The following MSRB3 variants were observed in gnomAD, a reference collection of about 807,000 sequenced individuals.
The protein encoded by MSRB3 is methionine sulfoxide reductase B3, also known as methionine-R-sulfoxide reductase B3.
MSRB3 carries 13 observed loss-of-function variants against 21.0 expected under a neutral mutation model. The observed-to-expected ratio is 0.62, with a 90% confidence interval of 0.40 to 0.98. The LOEUF is 0.98. MSRB3 is among the 50% of genes least tolerant of loss of function. The pLI, the probability that MSRB3 is intolerant of heterozygous loss-of-function variation, is 0.00. For missense variants in MSRB3, 199 were observed against 230.3 expected, an observed-to-expected ratio of 0.86 and a Z score of 0.88; for synonymous variants, 87 against 88.6, an observed-to-expected ratio of 0.98 and a Z score of 0.10.
At chr12:65,282,853 T>A (rs1025230132) in intron 1 of MSRB3, among the ~76,000 whole-genome samples, 1 of 152,152 alleles carries the variant, frequency 6.6e-6, no homozygotes, top group African/African-American at 2.4e-5. Flanking sequence ...TTCCCTAAAG[T>A]CTCTTCTAAT....
intron 5 of MSRB3, among the ~76,000 whole-genome samples, chr12:65,432,875 A>G (rs1881949702): frequency 6.6e-6 from 1 of 152,106 alleles, no homozygotes; most frequent in Non-Finnish European, 1.5e-5. Flanking sequence ...TAATCCTTTT[A>G]TGAGTAAATC....
chr12:65,393,571 C>T lies in MSRB3; in HGVS notation c.292+24545C>T, dbSNP rs896420097. On this transcript the variant is annotated intron_variant, in intron 5 of 6. Transcript: ENST00000308259. ...GCGTGAACCTGGGAGGCGGAGCTTG[C>T]GGTGAGCCGAGATCACGCCACTGCA... Among the ~76,000 whole-genome samples, 9 of 141,924 alleles carry T rather than the reference C, an allele frequency of 6.3e-5. No individual in the cohort carries two copies. In the East Asian group the frequency reaches 8.9e-4, roughly 14 times the overall value. 93.1% of individuals were successfully genotyped at this position (141,924 alleles called of 152,430 possible).
At chr12:65,376,521 A>G (rs575003109) in intron 5 of MSRB3, among the ~76,000 whole-genome samples, 3 of 152,322 alleles carry the variant, frequency 2.0e-5, no homozygotes, top group South Asian at 2.1e-4. Context: ...GTCTCCTTGT[A>G]GAGAACATTA....
chr12:65,436,688 A>T (rs1481087006), intron 5 of MSRB3, among the ~76,000 whole-genome samples: 1 of 151,930 alleles, frequency 6.6e-6, no homozygotes, highest in South Asian at 2.1e-4. Context: ...ATCATTAATC[A>T]TCTGGTAGAA....
intron 1 of MSRB3, among the ~76,000 whole-genome samples, chr12:65,280,602 A>T (rs1871956094): frequency 1.3e-5 from 2 of 152,308 alleles, no homozygotes; most frequent in South Asian, 4.1e-4. Flanking sequence ...CTGATATATC[A>T]GTCTAATTTC....
chr12:65,446,175 AC>A (rs1882608191), intron 5 of MSRB3, among the ~76,000 whole-genome samples: 1 of 152,222 alleles, frequency 6.6e-6, no homozygotes. Flanking sequence ...GGGAAGAAAT[AC>A]AGAAATTCTC....
chr12:65,385,954 G>C (rs939396123), intron 5 of MSRB3, among the ~76,000 whole-genome samples: 5 of 151,626 alleles, frequency 3.3e-5, no homozygotes, highest in African/African-American at 1.2e-4. Context: ...TAAATATTGG[G>C]AATTAATTAA....
intron 5 of MSRB3, among the ~76,000 whole-genome samples, chr12:65,444,104 A>G (rs764249454): frequency 1.3e-5 from 2 of 152,194 alleles, no homozygotes; most frequent in African/African-American, 4.8e-5. Flanking sequence ...AGAAGCAAAC[A>G]TTAATCAAAA....
chr12:65,418,707 C>T (rs766795865), intron 5 of MSRB3: 12 of 822,548 alleles, frequency 1.5e-5, no homozygotes, highest in Admixed American at 1.2e-4. Flanking sequence ...CAGAGAGTAC[C>T]CTGCTTCTGC....
chr12:65,391,315 A>G (rs1317650713), intron 5 of MSRB3, among the ~76,000 whole-genome samples: 1 of 152,210 alleles, frequency 6.6e-6, no homozygotes, highest in African/African-American at 2.4e-5. Context: ...TATAAGACTA[A>G]CAGTCAAACA....
At chr12:65,352,872 G>A (rs1877114198) in intron 4 of MSRB3, among the ~76,000 whole-genome samples, 1 of 151,510 alleles carries the variant, frequency 6.6e-6, no homozygotes, top group Admixed American at 6.6e-5. Context: ...TCAATATCGT[G>A]AAAATGGCCA....
intron 1 of MSRB3, among the ~76,000 whole-genome samples, chr12:65,308,128 C>A (rs898483346): frequency 1.3e-5 from 2 of 152,186 alleles, no homozygotes; most frequent in Non-Finnish European, 2.9e-5. Flanking sequence ...AGTTTCTTCA[C>A]ATACGTATTG....
At chr12:65,374,656 G>T (rs1485296460) in intron 5 of MSRB3, among the ~76,000 whole-genome samples, 1 of 152,126 alleles carries the variant, frequency 6.6e-6, no homozygotes, top group African/African-American at 2.4e-5. Context: ...AATGGTTAGG[G>T]TGTAATTTTT....
intron 5 of MSRB3, among the ~76,000 whole-genome samples, chr12:65,452,924 G>A (rs901562689): frequency 3.9e-5 from 6 of 152,138 alleles, no homozygotes; most frequent in African/African-American, 1.4e-4. Context: ...CATATTTTGG[G>A]GAAACATAAA....
chr12:65,430,853 T>A (rs918984337), intron 5 of MSRB3, among the ~76,000 whole-genome samples: 9 of 152,176 alleles, frequency 5.9e-5, no homozygotes, highest in African/African-American at 2.2e-4. Context: ...ATCCTAGAAG[T>A]TAAAAATGTG....
intron 2 of MSRB3, among the ~76,000 whole-genome samples, chr12:65,321,969 G>GT (rs1301587489): frequency 3.9e-5 from 6 of 151,954 alleles, no homozygotes; most frequent in African/African-American, 9.7e-5. Flanking sequence ...TAATAGTTTC[G>GT]TTTTTTCTGA....
At chr12:65,455,603 G>T (rs572076067) in intron 6 of MSRB3, among the ~76,000 whole-genome samples, 33 of 152,328 alleles carry the variant, frequency 2.2e-4, no homozygotes, top group African/African-American at 7.2e-4. Context: ...GATTTAAGTG[G>T]CAGAGCTGAG....
chr12:65,311,654 G>A (rs1036825611), intron 2 of MSRB3, among the ~76,000 whole-genome samples: 3 of 152,052 alleles, frequency 2.0e-5, no homozygotes, highest in Admixed American at 6.5e-5. Context: ...GAAGGTGAAA[G>A]TTTGAAGTCT....
At chr12:65,423,728 A>G (rs999289884) in intron 5 of MSRB3, among the ~76,000 whole-genome samples, 3 of 152,102 alleles carry the variant, frequency 2.0e-5, no homozygotes, top group African/African-American at 7.2e-5. Flanking sequence ...GTGTTGTTGA[A>G]TTTAGTTTTC....
Sources: gnomAD v4.1 joint callset for allele counts (sites outside exome capture counted in the v4.1 genomes callset) on GRCh38, gnomAD v4.1.1 for gene constraint, MANE v1.5 for transcripts, NCBI Gene and HGNC (gene_info 2026-07-23, HGNC 2026-07-21) for gene names.